Variants in TBL1Y observed in about 807,000 individuals in gnomAD.
TBL1Y encodes F-box-like/WD repeat-containing protein TBL1Y.
A neutral mutation model predicts 12.0 loss-of-function variants in TBL1Y; 15 were observed. That is an observed-to-expected ratio of 1.25 (90% CI 0.83 to 1.92). The LOEUF is 1.92. TBL1Y is among the 40% of genes most tolerant of loss of function. The pLI is 0.00. For missense variants in TBL1Y, 148 were observed against 116.7 expected (o/e 1.27, Z -1.24); for synonymous variants, 53 against 42.6 (o/e 1.24, Z -0.95).
intron 7 of TBL1Y, among the ~76,000 whole-genome samples, chrY:7,056,109 T>C: frequency 6.0e-5 from 2 of 33,517 alleles, no homozygotes; most frequent in Admixed American, 2.7e-4. Flanking sequence ...AAGTTTTCTC[T>C]GGTAGATGGA....
chrY:7,013,505 A>G (rs905432267), intron 4 of TBL1Y, among the ~76,000 whole-genome samples: 1 of 34,515 alleles, frequency 2.9e-5, no homozygotes, highest in African/African-American at 1.1e-4. Flanking sequence ...TCCATACATG[A>G]GTTGCACCCT....
At chrY:7,026,464 C>T in intron 6 of TBL1Y, among the ~76,000 whole-genome samples, 1 of 33,660 alleles carries the variant, frequency 3.0e-5, no homozygotes, top group Non-Finnish European at 7.3e-5. Flanking sequence ...CATACCAAAA[C>T]CTGCCTCCCT....
intron 3 of TBL1Y, among the ~76,000 whole-genome samples, chrY:6,992,934 T>G: frequency 2.9e-5 from 1 of 33,937 alleles, no homozygotes; most frequent in South Asian, 6.6e-4. Context: ...ATATTGACAA[T>G]TTCTGTTTAT....
intron 4 of TBL1Y, among the ~76,000 whole-genome samples, chrY:7,010,276 C>T: frequency 3.0e-5 from 1 of 33,595 alleles, no homozygotes; most frequent in African/African-American, 1.2e-4. Flanking sequence ...GTCCATGTTT[C>T]CAAGACTTCC....
At chrY:7,052,050 G>A (rs769142508) in intron 7 of TBL1Y, among the ~76,000 whole-genome samples, 39 of 33,930 alleles carry the variant, frequency 1.1e-3, no homozygotes, top group African/African-American at 4.0e-3. Context: ...CCTTGAAGCA[G>A]GGAGAGGGCT....
At chrY:6,998,372 T>C (rs2012424676) in intron 4 of TBL1Y, among the ~76,000 whole-genome samples, 1 of 32,916 alleles carries the variant, frequency 3.0e-5, no homozygotes, top group Non-Finnish European at 7.4e-5. Context: ...TTTAACAACT[T>C]AGCAGTCAGT....
chrY:6,927,528 G>A, intron 2 of TBL1Y, among the ~76,000 whole-genome samples: 2 of 33,880 alleles, frequency 5.9e-5, no homozygotes, highest in Non-Finnish European at 1.5e-4. Flanking sequence ...CCTGGCCTGC[G>A]TGTTGTTTTA....
intron 6 of TBL1Y, among the ~76,000 whole-genome samples, chrY:7,026,401 C>T (rs2012624412): frequency 5.9e-5 from 2 of 33,718 alleles, no homozygotes; most frequent in South Asian, 6.8e-4. Flanking sequence ...CACAGGTGAT[C>T]TCCTGTCTCA....
chrY:6,950,538 G>A (rs2012016997), intron 2 of TBL1Y, among the ~76,000 whole-genome samples: 23 of 32,996 alleles, frequency 7.0e-4, no homozygotes, highest in Non-Finnish European at 4.5e-4. Context: ...TTCTAATTGG[G>A]ACAGAATGAA....
chrY:6,934,204 T>A (rs1603026647), intron 2 of TBL1Y, among the ~76,000 whole-genome samples: 1 of 33,305 alleles, frequency 3.0e-5, no homozygotes, highest in Non-Finnish European at 7.4e-5. Context: ...ATGGTCATGT[T>A]CATCTGTGTC....
chrY:7,023,890 T>C, intron 5 of TBL1Y, among the ~76,000 whole-genome samples: 3 of 33,171 alleles, frequency 9.0e-5, no homozygotes, highest in African/African-American at 2.4e-4. Flanking sequence ...TTTTTCCTAA[T>C]GTTCTCCCTC....
chrY:6,917,685 C>T, intron 2 of TBL1Y, among the ~76,000 whole-genome samples: 3 of 32,593 alleles, frequency 9.2e-5, no homozygotes, highest in Non-Finnish European at 7.5e-5. Flanking sequence ...GGCAGTGGAG[C>T]GGGGGCATTG....
At chrY:6,963,809 G>A in intron 2 of TBL1Y, among the ~76,000 whole-genome samples, 1 of 33,855 alleles carries the variant, frequency 3.0e-5, no homozygotes, top group Non-Finnish European at 7.3e-5. Context: ...TTACTGTGGG[G>A]GTTGTTGTCC....
chrY:7,085,532 A>T, intron 14 of TBL1Y, among the ~76,000 whole-genome samples: 2 of 32,764 alleles, frequency 6.1e-5, no homozygotes, highest in African/African-American at 2.4e-4. Flanking sequence ...AAAAAAAGGA[A>T]GAGTGCGTAC....
chrY:6,950,482 C>A (rs2012016568), intron 2 of TBL1Y, among the ~76,000 whole-genome samples: 4 of 33,471 alleles, frequency 1.2e-4, no homozygotes, highest in African/African-American at 4.6e-4. Context: ...CATAGCCTAA[C>A]AAAAATGAGG....
chrY:6,972,802 C>T, intron 2 of TBL1Y, among the ~76,000 whole-genome samples: 1 of 33,464 alleles, frequency 3.0e-5, no homozygotes, highest in Non-Finnish European at 7.4e-5. Flanking sequence ...AAAACACCTT[C>T]ATCTTGCCTG....
intron 17 of TBL1Y, among the ~76,000 whole-genome samples, chrY:7,088,460 T>C (rs2013153674): frequency 3.1e-5 from 1 of 32,035 alleles, no homozygotes; most frequent in Admixed American, 2.9e-4. Context: ...GGACCTCATG[T>C]GAACCACATC....
chrY:7,024,914 C>A, intron 5 of TBL1Y, 121 bp from the exon 6 acceptor site: 1 of 110,464 alleles, frequency 9.1e-6, no homozygotes, highest in Non-Finnish European at 1.7e-5. Context: ...TATAACGCAT[C>A]ATATATTAAT....
chrY:7,071,669 C>T, intron 11 of TBL1Y, 46 bp downstream of exon 11: 1 of 386,610 alleles, frequency 2.6e-6, no homozygotes, highest in Non-Finnish European at 3.7e-6. Context: ...GAGGAGCTGC[C>T]ATACATAACC....
Sources: allele counts gnomAD v4.1 joint callset (sites outside exome capture counted in the v4.1 genomes callset), GRCh38; gene constraint gnomAD v4.1.1; transcripts MANE v1.5; gene names NCBI Gene and HGNC (gene_info 2026-07-23, HGNC 2026-07-21).